The following TENM2 variants were observed in gnomAD, a reference collection of about 807,000 sequenced individuals.
The protein encoded by TENM2 is teneurin-2.
In TENM2, 52 loss-of-function variants were observed where a neutral mutation model predicts 245.2. The ratio of observed to expected loss-of-function variants is 0.21; its 90% CI spans 0.17 to 0.27. TENM2 has a LOEUF of 0.27. Among genes scored for constraint, TENM2 ranks in the 10% least tolerant of loss-of-function variants. The probability of loss-of-function intolerance (pLI) is 1.00; values close to 1 mark genes in which losing one functional copy is unlikely to be tolerated. For missense variants in TENM2, 3,046 were observed against 3,666.8 expected (o/e 0.83, Z 4.37); for synonymous variants, 1,363 against 1,438.9 (o/e 0.95, Z 1.19).
intron 13 of TENM2, among the ~76,000 whole-genome samples, chr5:168,175,290 A>G (rs1355377677): frequency 6.6e-6 from 1 of 152,182 alleles, no homozygotes; most frequent in East Asian, 1.9e-4. Flanking sequence ...GATTCTAAAA[A>G]CATACACTGC....
intron 13 of TENM2, among the ~76,000 whole-genome samples, chr5:168,188,366 A>G (rs77818079): frequency 6.6e-6 from 1 of 152,194 alleles, no homozygotes; most frequent in Non-Finnish European, 1.5e-5. Context: ...GGTGCAAGCA[A>G]GTTATTCTCC....
the TENM2 span, among the ~76,000 whole-genome samples, chr5:167,237,300 G>T: frequency 6.6e-6 from 1 of 152,084 alleles, no homozygotes; most frequent in Non-Finnish European, 1.5e-5. Flanking sequence ...ATTAGTAAAT[G>T]TCTTGCATTT....
At chr5:167,434,214 G>A (rs1764406685) in intron 2 of TENM2, among the ~76,000 whole-genome samples, 1 of 151,914 alleles carries the variant, frequency 6.6e-6, no homozygotes, top group Non-Finnish European at 1.5e-5. Flanking sequence ...GAGGTCAGGA[G>A]TTCGAGACCA....
the TENM2 span, among the ~76,000 whole-genome samples, chr5:167,109,774 T>C: frequency 2.6e-5 from 4 of 152,208 alleles, no homozygotes; most frequent in African/African-American, 9.7e-5. Flanking sequence ...TGTTTCGTTA[T>C]GGTACCAGAA....
At chr5:167,603,771 T>C (rs1776821394) in intron 2 of TENM2, among the ~76,000 whole-genome samples, 1 of 152,254 alleles carries the variant, frequency 6.6e-6, no homozygotes, top group Admixed American at 6.5e-5. Flanking sequence ...AGTGATGAAG[T>C]TGAGGAGACA....
At chr5:167,442,170 A>T (rs1343697000) in intron 2 of TENM2, among the ~76,000 whole-genome samples, 1 of 152,086 alleles carries the variant, frequency 6.6e-6, no homozygotes, top group South Asian at 2.1e-4. Context: ...AATTTTTATC[A>T]TTCTTTGACT....
chr5:167,052,217 A>G, the TENM2 span, among the ~76,000 whole-genome samples: 10 of 152,180 alleles, frequency 6.6e-5, no homozygotes, highest in Admixed American at 4.6e-4. Flanking sequence ...GAATACCTCA[A>G]TAATATAATT....
intron 1 of TENM2, chr5:167,287,932 T>G (rs1386885448): frequency 6.6e-6 from 1 of 152,194 alleles, no homozygotes. Context: ...TGAGAGCTAA[T>G]GCACCTGACA....
the TENM2 span, among the ~76,000 whole-genome samples, chr5:167,082,119 A>G: frequency 6.6e-6 from 1 of 152,220 alleles, no homozygotes; most frequent in Non-Finnish European, 1.5e-5. Context: ...AAGGCTGGGC[A>G]TAAAGTGAGC....
At chr5:167,828,426 G>C (rs1768173158) in intron 2 of TENM2, among the ~76,000 whole-genome samples, 1 of 152,198 alleles carries the variant, frequency 6.6e-6, no homozygotes, top group Non-Finnish European at 1.5e-5. Context: ...TAGTCTGCAT[G>C]TGTATTTTTA....
chr5:167,530,408 T>C (rs1771411396), intron 2 of TENM2, among the ~76,000 whole-genome samples: 1 of 152,200 alleles, frequency 6.6e-6, no homozygotes, highest in African/African-American at 2.4e-5. Context: ...TTTAGTTCTG[T>C]GTGTTAGGCC....
the TENM2 span, among the ~76,000 whole-genome samples, chr5:167,151,613 G>T: frequency 6.6e-6 from 1 of 152,040 alleles, no homozygotes; most frequent in Non-Finnish European, 1.5e-5. Context: ...CCACCTCCCG[G>T]GTTCATGCCA....
chr5:167,587,086 G>A (rs1361780974), intron 2 of TENM2, among the ~76,000 whole-genome samples: 1 of 152,102 alleles, frequency 6.6e-6, no homozygotes, highest in Non-Finnish European at 1.5e-5. Context: ...TAATTCTGTT[G>A]TTGTTTCCAG....
intron 2 of TENM2, among the ~76,000 whole-genome samples, chr5:167,818,807 C>A (rs1226139024): frequency 6.6e-6 from 1 of 152,138 alleles, no homozygotes; most frequent in Non-Finnish European, 1.5e-5. Flanking sequence ...AAACCCTATT[C>A]AAAAAATTAC....
intron 2 of TENM2, among the ~76,000 whole-genome samples, chr5:167,405,343 G>A (rs1346354841): frequency 6.6e-6 from 1 of 152,030 alleles, no homozygotes; most frequent in Non-Finnish European, 1.5e-5. Context: ...GATAAGCAAT[G>A]GGGCTCTGGT....
intron 3 of TENM2, among the ~76,000 whole-genome samples, chr5:167,914,962 C>CA (rs1180648287): frequency 1.3e-5 from 2 of 152,046 alleles, no homozygotes; most frequent in Non-Finnish European, 2.9e-5. Flanking sequence ...ACCTTATTTC[C>CA]AAAAAAGGTC....
chr5:167,400,863 T>A (rs1324676327), intron 2 of TENM2, among the ~76,000 whole-genome samples: 1 of 152,058 alleles, frequency 6.6e-6, no homozygotes, highest in Non-Finnish European at 1.5e-5. Flanking sequence ...AGAAAATGCC[T>A]TTGGATTTGA....
chr5:167,052,676 G>A, the TENM2 span, among the ~76,000 whole-genome samples: 1 of 151,950 alleles, frequency 6.6e-6, no homozygotes, highest in African/African-American at 2.4e-5. Flanking sequence ...CTTTGAAATA[G>A]TCTTTCCTTT....
chr5:167,126,359 A>C, the TENM2 span, among the ~76,000 whole-genome samples: 2 of 152,128 alleles, frequency 1.3e-5, no homozygotes, highest in Admixed American at 1.3e-4. Context: ...CCAGCTTCCA[A>C]ATTCTCCCTC....
Sources: gnomAD v4.1 joint callset for allele counts (sites outside exome capture counted in the v4.1 genomes callset) on GRCh38, gnomAD v4.1.1 for gene constraint, MANE v1.5 for transcripts, NCBI Gene and HGNC (gene_info 2026-07-23, HGNC 2026-07-21) for gene names.